The following DPH6 variants were observed in gnomAD, a reference collection of about 807,000 sequenced individuals.
The protein encoded by DPH6 is diphthamine biosynthesis 6, also known as diphthine--ammonia ligase.
DPH6 carries 33 observed loss-of-function variants against 38.2 expected under a neutral mutation model. The ratio of observed to expected loss-of-function variants is 0.86; its 90% CI spans 0.65 to 1.15. DPH6 has a LOEUF of 1.15. Among genes scored for constraint, DPH6 ranks in the 50% most tolerant of loss-of-function variants. The pLI, the probability that DPH6 is intolerant of heterozygous loss-of-function variation, is 0.00. For synonymous variants in DPH6, 108 were observed against 103.0 expected, an observed-to-expected ratio of 1.05 and a Z score of -0.30; for missense variants, 325 against 320.0, an observed-to-expected ratio of 1.02 and a Z score of -0.12.
the DPH6 span, among the ~76,000 whole-genome samples, chr15:35,197,987 T>C: frequency 1.3e-5 from 2 of 152,104 alleles, no homozygotes; most frequent in African/African-American, 4.8e-5. Context: ...CAGAGCCAAA[T>C]GTGACTAGGA....
At chr15:35,432,883 G>A (rs955493554) in intron 5 of DPH6, among the ~76,000 whole-genome samples, 5 of 152,110 alleles carry the variant, frequency 3.3e-5, no homozygotes, top group Admixed American at 1.3e-4. Flanking sequence ...AGGACGGTGA[G>A]GGTCAAAAAA....
intron 3 of DPH6, among the ~76,000 whole-genome samples, chr15:35,283,329 G>C (rs1200100758): frequency 1.3e-5 from 2 of 149,696 alleles, no homozygotes; most frequent in Non-Finnish European, 3.0e-5. Context: ...TTTTGAGTCA[G>C]AGTCTCACTC....
intron 3 of DPH6, among the ~76,000 whole-genome samples, chr15:35,350,197 T>C (rs530075313): frequency 6.6e-6 from 1 of 152,232 alleles, no homozygotes; most frequent in South Asian, 2.1e-4. Context: ...AATTTATCCA[T>C]TGCTTTGAAG....
intron 3 of DPH6, among the ~76,000 whole-genome samples, chr15:35,312,461 A>G (rs2052151317): frequency 6.6e-6 from 1 of 152,206 alleles, no homozygotes; most frequent in Non-Finnish European, 1.5e-5. Context: ...GCAGAGATAA[A>G]CAAGAGGCAG....
the DPH6 span, among the ~76,000 whole-genome samples, chr15:35,172,843 C>T: frequency 6.6e-6 from 1 of 152,124 alleles, no homozygotes; most frequent in Non-Finnish European, 1.5e-5. Flanking sequence ...AGGCATGAAC[C>T]ACCATGCCCT....
At chr15:35,432,878 G>A (rs997304450) in intron 5 of DPH6, among the ~76,000 whole-genome samples, 2 of 152,050 alleles carry the variant, frequency 1.3e-5, no homozygotes, top group Non-Finnish European at 2.9e-5. Context: ...TTAGGAGGAC[G>A]GTGAGGGTCA....
intron 3 of DPH6, among the ~76,000 whole-genome samples, chr15:35,517,282 T>A (rs2054860149): frequency 6.6e-6 from 1 of 152,100 alleles, no homozygotes; most frequent in Admixed American, 6.5e-5. Flanking sequence ...CTCCCTTGCT[T>A]CTTTGTACAG....
At chr15:35,527,080 T>C (rs1456234302) in intron 3 of DPH6, among the ~76,000 whole-genome samples, 1 of 152,186 alleles carries the variant, frequency 6.6e-6, no homozygotes, top group African/African-American at 2.4e-5. Flanking sequence ...TATCATTCGT[T>C]TTCTTCTCTG....
chr15:35,158,133 C>T, the DPH6 span, among the ~76,000 whole-genome samples: 2 of 152,030 alleles, frequency 1.3e-5, no homozygotes, highest in Non-Finnish European at 2.9e-5. Context: ...TCCTGTCTTC[C>T]ACGTTTCTGT....
At chr15:35,459,339 C>T (rs1294004770) in intron 3 of DPH6, among the ~76,000 whole-genome samples, 1 of 152,118 alleles carries the variant, frequency 6.6e-6, no homozygotes, top group East Asian at 1.9e-4. Flanking sequence ...GGTGTCTTTT[C>T]TTACAAGGAT....
At chr15:35,542,954 AT>A (rs1257783673) in intron 1 of DPH6, among the ~76,000 whole-genome samples, 2 of 110,412 alleles carry the variant, frequency 1.8e-5, no homozygotes, top group Non-Finnish European at 3.8e-5. Context: ...GAATATATAT[AT>A]ATATATATAT....
intron 3 of DPH6, among the ~76,000 whole-genome samples, chr15:35,284,381 AT>A (rs2051924723): frequency 6.6e-6 from 1 of 152,122 alleles, no homozygotes; most frequent in South Asian, 2.1e-4. Context: ...AAAATGTGTT[AT>A]TTGGCTAAAT....
chr15:35,419,060 C>CACACAT (rs2053471655), intron 5 of DPH6, among the ~76,000 whole-genome samples: 2 of 134,738 alleles, frequency 1.5e-5, no homozygotes, highest in African/African-American at 3.2e-5. Flanking sequence ...AACTAAAACA[C>CACACAT]ACACACATAC....
At chr15:35,213,800 T>C (rs1000226521), downstream of DPH6, among the ~76,000 whole-genome samples, 1 of 152,148 alleles carries the variant, frequency 6.6e-6, no homozygotes, top group Non-Finnish European at 1.5e-5. Context: ...CTATCCTACG[T>C]GGTGAAATAC....
chr15:35,472,039 C>T (rs919215103), intron 3 of DPH6, among the ~76,000 whole-genome samples: 5 of 151,982 alleles, frequency 3.3e-5, no homozygotes, highest in African/African-American at 9.7e-5. Context: ...CAATCGTGCC[C>T]GTGAATAGCC....
chr15:35,393,784 T>C (rs1042649111), intron 6 of DPH6, among the ~76,000 whole-genome samples: 1 of 152,140 alleles, frequency 6.6e-6, no homozygotes, highest in African/African-American at 2.4e-5. Flanking sequence ...TTTGGGGTAG[T>C]GTCCTGAACT....
At chr15:35,539,583 G>T (rs989241698) in intron 2 of DPH6, among the ~76,000 whole-genome samples, 2 of 151,698 alleles carry the variant, frequency 1.3e-5, no homozygotes, top group African/African-American at 4.8e-5. Context: ...ATTTAATGGG[G>T]GTATTTGTGT....
intron 6 of DPH6, among the ~76,000 whole-genome samples, chr15:35,382,601 G>T (rs1416394610): frequency 6.6e-6 from 1 of 152,156 alleles, no homozygotes; most frequent in Non-Finnish European, 1.5e-5. Flanking sequence ...CCTTTAAGTG[G>T]AAGGGAATGA....
intron 3 of DPH6, among the ~76,000 whole-genome samples, chr15:35,225,919 G>A (rs764532454): frequency 1.3e-5 from 2 of 152,052 alleles, no homozygotes; most frequent in African/African-American, 2.4e-5. Flanking sequence ...TTTTTTATTT[G>A]TGATTTTAAC....
Sources: gnomAD v4.1 joint callset for allele counts (sites outside exome capture counted in the v4.1 genomes callset) on GRCh38, gnomAD v4.1.1 for gene constraint, MANE v1.5 for transcripts, NCBI Gene and HGNC (gene_info 2026-07-23, HGNC 2026-07-21) for gene names.